NCOA6: variants seen among roughly 807,000 people sequenced by gnomAD.
The protein encoded by NCOA6 is NRC RAP250.
A neutral mutation model predicts 171.4 loss-of-function variants in NCOA6; 49 were observed. That is an observed-to-expected ratio of 0.29 (90% CI 0.23 to 0.36). The LOEUF (loss-of-function observed/expected upper bound fraction) is 0.36, where lower values mean the gene tolerates loss of function less well. Among genes scored for constraint, NCOA6 ranks in the 10% least tolerant of loss-of-function variants. The probability of loss-of-function intolerance (pLI) is 1.00; values close to 1 mark genes in which losing one functional copy is unlikely to be tolerated. For synonymous variants in NCOA6, 910 were observed against 927.5 expected, an observed-to-expected ratio of 0.98 and a Z score of 0.34; for missense variants, 2,248 against 2,554.5, an observed-to-expected ratio of 0.88 and a Z score of 2.59.
At chr20:34,809,181 A>G (rs1050563903) in intron 1 of NCOA6, among the ~76,000 whole-genome samples, 1 of 152,192 alleles carries the variant, frequency 6.6e-6, no homozygotes, top group Admixed American at 6.5e-5. Flanking sequence ...CTTTTCATGG[A>G]ACCAATAAAG....
At chr20:34,777,430 C>T (rs2077363886) in intron 3 of NCOA6, among the ~76,000 whole-genome samples, 1 of 152,034 alleles carries the variant, frequency 6.6e-6, no homozygotes, top group African/African-American at 2.4e-5. Context: ...GCCTGGCCAA[C>T]ATGGCAAAAC....
intron 1 of NCOA6, among the ~76,000 whole-genome samples, chr20:34,822,550 T>C (rs1199518897): frequency 6.6e-6 from 1 of 152,198 alleles, no homozygotes; most frequent in East Asian, 1.9e-4. Context: ...GTTTAATAAC[T>C]CTTCTTTGGC....
chr20:34,766,530 G>A (rs1430171640), intron 5 of NCOA6, among the ~76,000 whole-genome samples: 1 of 152,066 alleles, frequency 6.6e-6, no homozygotes, highest in East Asian at 1.9e-4. Flanking sequence ...GCAGGGCTGA[G>A]ACAGGAGGAA....
At chr20:34,802,594 C>T (rs899461383) in intron 1 of NCOA6, among the ~76,000 whole-genome samples, 2 of 143,974 alleles carry the variant, frequency 1.4e-5, no homozygotes, top group Non-Finnish European at 3.1e-5. Flanking sequence ...AGCAAGACTC[C>T]GTCTCAAAAA....
chr20:34,824,008 A>C (rs2079083094), intron 1 of NCOA6, among the ~76,000 whole-genome samples: 2 of 152,372 alleles, frequency 1.3e-5, no homozygotes, highest in South Asian at 4.1e-4. Context: ...AACTCTAGAA[A>C]GTTAGAAGGT....
At chr20:34,769,586 A>G (rs1358903694) in intron 4 of NCOA6, among the ~76,000 whole-genome samples, 3 of 151,632 alleles carry the variant, frequency 2.0e-5, no homozygotes, top group African/African-American at 4.9e-5. Context: ...CTGGTCTCGA[A>G]CTCCTGACCT....
At chr20:34,777,120 A>G (rs1481117147) in intron 3 of NCOA6, among the ~76,000 whole-genome samples, 1 of 151,080 alleles carries the variant, frequency 6.6e-6, no homozygotes, top group Non-Finnish European at 1.5e-5. Flanking sequence ...CCGTCTCAAA[A>G]AAAAAAAAAA....
chr20:34,749,739 G>A lies in NCOA6; in HGVS notation c.2456C>T (p.Pro819Leu). ...NNDVSLSQMM[P>L]DVSIQQTNMV... ...GTTGGTTTGTTGAATGCTAACATCA[G>A]GCATCATCTGAGATAAACTGACATC... Residue 819 changes from proline (P) to leucine (L), a missense_variant, in exon 9 of 15, where the codon CCT (proline) becomes CTT (leucine). Around this residue, in one of 7 missense-constraint regions of NCOA6, gnomAD observed 987 missense variants for 1,104.7 expected, o/e 0.89. Transcript: ENST00000359003. 1.9e-6 allele frequency: 3 copies of A among 1,614,204 alleles called. No homozygotes were observed. The highest frequency in any genetic ancestry group is 2.5e-6 in the Non-Finnish European group (3 of 1,180,026).
In NCOA6 at chr20:34,775,672, CAAA is replaced by C. The variant is rs570763953; in HGVS notation, c.391+618_391+620del. Reference sequence around the variant, plus strand: ...TACACTCCATCCTGGGACTCTGTCTCAAAAAAAAAAAAAAAAAAAAGAAAAAAA... The same window carrying C: ...TACACTCCATCCTGGGACTCTGTCTCAAAAAAAAAAAAAAAAAGAAAAAAA... On this transcript the variant is annotated intron_variant, in intron 4 of 14. Transcript: ENST00000359003. 7.7e-4 allele frequency among the ~76,000 whole-genome samples: 60 copies of C among 77,508 alleles called. No individual in the cohort carries two copies. In the South Asian group the frequency reaches 0.01, roughly 13 times the overall value. 50.8% of individuals were successfully genotyped at this position (77,508 alleles called of 152,430 possible).
At position 34,763,217 on chromosome 20, in the gene NCOA6, T is replaced by A. The variant is rs559595669; in HGVS notation, c.515-4284A>T. The stretch of plus-strand genomic sequence containing the variant: ...CTGTCATCCCTCCTCAATTTCTTTA[T>A]CTTCTTCAGGAACTCTTTTCAAACA... On this transcript the variant is annotated intron_variant, in intron 5 of 14. Transcript: ENST00000359003. Among the ~76,000 whole-genome samples the A allele has an allele frequency of 7.9e-5, 12 of 152,350 alleles. No homozygotes were observed. In the South Asian group the frequency reaches 2.5e-3, roughly 32 times the overall value.
At chr20:34,738,944 A>T (rs746740005) in intron 11 of NCOA6, 3 of 455,974 alleles carry the variant, frequency 6.6e-6, no homozygotes, top group Non-Finnish European at 1.3e-5. Context: ...TGCATAAATA[A>T]GATAGGCACT....
intron 1 of NCOA6, among the ~76,000 whole-genome samples, chr20:34,817,507 C>A (rs3787217): frequency 0.019 from 2,933 of 152,188 alleles, 124 homozygotes; most frequent in East Asian, 0.13. Flanking sequence ...CTGCATTCCT[C>A]CTTCCATCAA....
At position 34,737,712 on chromosome 20, in the gene NCOA6, T is replaced by A. The variant is rs1018503; in HGVS notation, c.5894-954A>T. ...ATCTTGACATCTCAGTCTAAAATCC[T>A]AGATAAACTCTGCAACAACATGTTT... On this transcript the variant is annotated intron_variant, in intron 11 of 14. Coordinates refer to ENST00000359003, the MANE Select transcript of NCOA6 (RefSeq NM_014071.5). Among the ~76,000 whole-genome samples, 10 of 152,150 alleles carry A rather than the reference T, an allele frequency of 6.6e-5. No individual in the cohort carries two copies. In the East Asian group the frequency reaches 1.2e-3, roughly 18 times the overall value.
chr20:34,776,287 A>G lies in NCOA6; in HGVS notation c.391+6T>C, dbSNP rs1449555422. 1 of 1,612,612 alleles carries G rather than the reference A, an allele frequency of 6.2e-7. No individual in the cohort carries two copies. Among genetic ancestry groups the G allele is most frequent in the Non-Finnish European group, 8.5e-7 (1 of 1,179,706 alleles). On this transcript the variant is annotated splice_donor_region_variant and intron_variant, in intron 4 of 14. Transcript: ENST00000359003. Reference sequence around the variant, plus strand: ...GTCTAGATGGGCACATGGCAAAGTAAAAGACCTTCAATCTGAACGGAGAGA... The same window carrying G: ...GTCTAGATGGGCACATGGCAAAGTAGAAGACCTTCAATCTGAACGGAGAGA...
rs544729200 is a variant in NCOA6 at position 34,800,783 on chromosome 20, T to C, written c.-163-8220A>G. ...AAGAGCTGGAGATTTTAACATCCCA[T>C]TTTCAGCACTGGACAGATGATCTAG... On this transcript the variant is annotated intron_variant, in intron 1 of 14. Transcript: ENST00000359003. Among the ~76,000 whole-genome samples the C allele has an allele frequency of 4.6e-5, 7 of 152,238 alleles. No individual in the cohort carries two copies. In the South Asian group the frequency reaches 1.5e-3, roughly 32 times the overall value.
chr20:34,772,104 T>C (rs200033099), intron 4 of NCOA6, among the ~76,000 whole-genome samples: 92 of 152,248 alleles, frequency 6.0e-4, no homozygotes, highest in East Asian at 3.1e-3. Context: ...GGTGGGAGGA[T>C]TGCTTCAGAC....
chr20:34,721,097 C>G (rs554124411), intron 14 of NCOA6, among the ~76,000 whole-genome samples: 49 of 152,118 alleles, frequency 3.2e-4, no homozygotes, highest in African/African-American at 1.2e-3. Flanking sequence ...AAATATTTGG[C>G]CTTTTGCCCA....
At chr20:34,767,372 T>G (rs2077011069) in intron 5 of NCOA6, among the ~76,000 whole-genome samples, 1 of 152,164 alleles carries the variant, frequency 6.6e-6, no homozygotes, top group South Asian at 2.1e-4. Context: ...CTCGGCTCAC[T>G]GCAACCTCCA....
chr20:34,793,084 T>C (rs2077948213), intron 1 of NCOA6, among the ~76,000 whole-genome samples: 1 of 152,058 alleles, frequency 6.6e-6, no homozygotes. Context: ...CCCCCAGCCT[T>C]TTTTGAGATT....
Sources: allele counts gnomAD v4.1 joint callset (sites outside exome capture counted in the v4.1 genomes callset), GRCh38; gene constraint gnomAD v4.1.1; regional missense constraint gnomAD v4.1.1; transcripts MANE v1.5; gene names NCBI Gene and HGNC (gene_info 2026-07-23, HGNC 2026-07-21).